Variants in TRIM60 observed in about 807,000 individuals in gnomAD.
TRIM60 encodes the protein tripartite motif containing 60, also known as tripartite motif-containing protein 60.
For synonymous variants in TRIM60, 189 were observed against 195.2 expected, an observed-to-expected ratio of 0.97 and a Z score of 0.27; for missense variants, 524 against 540.8, an observed-to-expected ratio of 0.97 and a Z score of 0.31.
intron 2 of TRIM60, chr4:165,039,712 G>T (rs1733705236): frequency 6.3e-6 from 1 of 158,584 alleles, no homozygotes; most frequent in Non-Finnish European, 1.4e-5. Flanking sequence ...GCAGGAGAAT[G>T]GCGTGAACCC....
intron 1 of TRIM60, among the ~76,000 whole-genome samples, chr4:165,037,166 A>G (rs1733639720): frequency 6.6e-6 from 1 of 151,984 alleles, no homozygotes; most frequent in African/African-American, 2.4e-5. Context: ...GCACCATTGC[A>G]CTCCAGCCTG....
chr4:165,040,850 C>T lies in TRIM60; in HGVS notation c.778C>T (p.Gln260Ter), dbSNP rs1201377023. ...TQAKSMHHKY[Q>*]NLKCPELFSF... is the part of the protein sequence containing the mutation. ...AGCTAAGAGTATGCACCACAAGTAT[C>T]AAAACCTAAAATGCCCTGAACTCTT... Residue 260 changes from glutamine to a stop codon, truncating the protein, a stop_gained, in exon 3 of 3, where the codon CAA becomes TAA. Transcript: ENST00000512596. LOFTEE classifies it low-confidence loss of function (END_TRUNC). 1 of 1,613,708 alleles carries T rather than the reference C, an allele frequency of 6.2e-7. No individual in the cohort carries two copies.
In TRIM60 at chr4:165,032,024, G is replaced by A. The variant is rs1287860099; in HGVS notation, c.-145G>A. ...AAAACTCGAAAACCAAGGCGCCCAG[G>A]GTTGTGTGAGGGTTTCCGCTCTGCG... is the stretch of plus-strand genomic sequence containing the variant. On this transcript the variant is annotated 5_prime_UTR_variant, in exon 1 of 3. Coordinates refer to ENST00000512596, the MANE Select transcript of TRIM60 (RefSeq NM_152620.3). The A allele has an allele frequency of 6.6e-6, 1 of 152,306 alleles. No individual in the cohort carries two copies. Among genetic ancestry groups the A allele is most frequent in the Non-Finnish European group, 1.5e-5 (1 of 68,148 alleles). 9.4% of individuals were successfully genotyped at this position (152,306 alleles called of 1,614,324 possible).
chr4:165,040,131 T>C lies in TRIM60; in HGVS notation c.59T>C (p.Leu20Pro), dbSNP rs745912417. The change falls in exon 3 of 3, where the codon CTG becomes CCG. Residue 20 changes from leucine to proline, a missense_variant. Transcript: ENST00000512596. The stretch of plus-strand genomic sequence containing the variant: ...GAGGAGTCTAGCTGTCCCATCTGTC[T>C]GGAGTACTTGAAAGACCCAGTGACC... ...LQEESSCPIC[L>P]EYLKDPVTIN... The C allele has an allele frequency of 4.3e-6, 7 of 1,613,886 alleles. No homozygotes were observed. Among genetic ancestry groups the C allele is most frequent in the African/African-American group, 1.3e-5 (1 of 75,036 alleles).
chr4:165,034,039 G>A (rs77980281), intron 1 of TRIM60, among the ~76,000 whole-genome samples: 2,153 of 152,262 alleles, frequency 0.014, 32 homozygotes, highest in African/African-American at 0.035. Context: ...AAACTTCATT[G>A]CCTGAGTCTG....
At chr4:165,035,304 A>T (rs1733595287) in intron 1 of TRIM60, among the ~76,000 whole-genome samples, 1 of 151,934 alleles carries the variant, frequency 6.6e-6, no homozygotes. Context: ...GCCTCAATTG[A>T]TCTCTTGCCT....
intron 1 of TRIM60, among the ~76,000 whole-genome samples, chr4:165,036,414 C>T (rs11932584): frequency 0.052 from 7,972 of 152,070 alleles, 586 homozygotes; most frequent in African/African-American, 0.16. Context: ...TACATGTTTG[C>T]TTGTTTTTTT....
intron 1 of TRIM60, among the ~76,000 whole-genome samples, chr4:165,032,757 A>G (rs908995311): frequency 9.2e-5 from 14 of 152,196 alleles, no homozygotes; most frequent in Admixed American, 6.5e-4. Context: ...CTGTCAGGAA[A>G]CTGCTACGGA....
intron 1 of TRIM60, among the ~76,000 whole-genome samples, chr4:165,033,428 A>C (rs1430594046): frequency 1.3e-5 from 2 of 152,232 alleles, no homozygotes; most frequent in Non-Finnish European, 2.9e-5. Flanking sequence ...CCTTAACCAA[A>C]GGTTGACAAA....
At chr4:165,034,906 A>T (rs1347944546) in intron 1 of TRIM60, among the ~76,000 whole-genome samples, 1 of 152,220 alleles carries the variant, frequency 6.6e-6, no homozygotes, top group African/African-American at 2.4e-5. Context: ...ACGACAGTTA[A>T]TGACATAAAT....
At chr4:165,040,002 G>T in intron 2 of TRIM60, 67 bp from the exon 3 acceptor site, 2 of 1,324,514 alleles carry the variant, frequency 1.5e-6, no homozygotes, top group Non-Finnish European at 2.1e-6. Context: ...CTTCTCACTG[G>T]GTTTGCGCTC....
rs753219180 is a variant in TRIM60 at position 165,040,900 on chromosome 4, T to C, written c.828T>C (p.Gly276=). The part of the protein sequence containing the change: ...ELFSFRLTKY[G]FSLPPQYSGL... The stretch of plus-strand genomic sequence containing the variant: ...TTTCATTTAGATTAACAAAATATGG[T>C]TTCAGTCTTCCTCCTCAATATTCTG... The change falls in exon 3 of 3, where the codon GGT becomes GGC. Residue 276 remains glycine, a synonymous_variant. Transcript: ENST00000512596. 3.7e-6 allele frequency: 6 copies of C among 1,612,804 alleles called. No homozygotes were observed. The Admixed American group carries it at 8.4e-5, about 22-fold the overall frequency.
Position 165,040,592 on chromosome 4 carries a change from A to G in TRIM60, c.520A>G (p.Lys174Glu), listed in dbSNP as rs141232205. The G allele has an allele frequency of 6.1e-5, 99 of 1,614,066 alleles. No individual in the cohort carries two copies. The highest frequency in any genetic ancestry group is 7.7e-5 in the Non-Finnish European group (91 of 1,180,028). Reference sequence around the variant, plus strand: ...AGGCAGCAAATCAGTGGAGCTGAAAAAGAAGGTAGAATATAAGAGGGAAGA... The same window carrying G: ...AGGCAGCAAATCAGTGGAGCTGAAAGAGAAGGTAGAATATAAGAGGGAAGA... ...LQGSKSVELK[K>E]KVEYKREEIN... The change falls in exon 3 of 3, where the codon AAG (lysine) becomes GAG (glutamate). Residue 174 changes from lysine (K) to glutamate (E), a missense_variant. Coordinates refer to ENST00000512596, the MANE Select transcript of TRIM60 (RefSeq NM_152620.3).
Position 165,040,629 on chromosome 4 carries a change from A to G in TRIM60, c.557A>G (p.Glu186Gly). Residue 186 changes from glutamate (E) to glycine (G), a missense_variant, in exon 3 of 3, where the codon GAG (glutamate) becomes GGG (glycine). Glu to Gly is a moderately conservative substitution (Grantham distance 98). Transcript: ENST00000512596. ...VEYKREEINS[E>G]FEQIRLFLQN... ...TATAAGAGGGAAGAAATAAATTCTG[A>G]GTTTGAGCAAATAAGATTGTTTTTA... 1 of 1,614,154 alleles carries G rather than the reference A, an allele frequency of 6.2e-7. No homozygotes were observed. The highest frequency in any genetic ancestry group is 2.2e-5 in the East Asian group (1 of 44,880).
intron 1 of TRIM60, among the ~76,000 whole-genome samples, chr4:165,032,674 A>G (rs1733531244): frequency 6.6e-6 from 1 of 152,120 alleles, no homozygotes; most frequent in Admixed American, 6.5e-5. Context: ...AGCGTTAAGG[A>G]AGGACCTCCC....
At chr4:165,040,022 A>T in intron 2 of TRIM60, 47 bp from the exon 3 acceptor site, 1 of 1,509,264 alleles carries the variant, frequency 6.6e-7, no homozygotes, top group Non-Finnish European at 9.1e-7. Context: ...CTACGGAGGC[A>T]GGACTGATCA....
Position 165,041,585 on chromosome 4 carries a change from A to G in TRIM60, c.*97A>G, listed in dbSNP as rs1355672558. 4 of 878,938 alleles carry G rather than the reference A, an allele frequency of 4.6e-6. No homozygotes were observed. The highest frequency in any genetic ancestry group is 6.5e-6 in the Non-Finnish European group (4 of 616,460). The allele number at this position is 878,938 out of a possible 1,614,324, so 54.4% of individuals were successfully genotyped here. A position where few individuals can be genotyped will look rare whatever the true frequency, so the allele number is the denominator to read the frequency against. On this transcript the variant is annotated 3_prime_UTR_variant, in exon 3 of 3. Transcript: ENST00000512596. The stretch of plus-strand genomic sequence containing the variant: ...TCTTTAAGTTTTACCACTGAAAACC[A>G]GAGTCGATTTTTCTCCTAAATTTTT...
At position 165,039,219 on chromosome 4, in the gene TRIM60, CATTGG is replaced by C. The variant is rs1282953117; in HGVS notation, c.-37_-33del. The C allele has an allele frequency of 6.6e-6, 1 of 152,004 alleles. No individual in the cohort carries two copies. The allele number at this position is 152,004 out of a possible 1,614,324, so 9.4% of individuals were successfully genotyped here. ...ATTGCAGGTCATCAGTTTGCCCCAT[CATTGG>C]TTAAGGTGGTATTCTCTACATTATA... On this transcript the variant is annotated 5_prime_UTR_variant, in exon 2 of 3. Transcript: ENST00000512596.
At position 165,040,236 on chromosome 4, in the gene TRIM60, T is replaced by A; in HGVS notation, c.164T>A (p.Val55Asp). 1 of 1,614,226 alleles carries A rather than the reference T, an allele frequency of 6.2e-7. No individual in the cohort carries two copies. Among genetic ancestry groups the A allele is most frequent in the Non-Finnish European group, 8.5e-7 (1 of 1,180,044 alleles). The part of the protein sequence containing the change: ...KDLDDTFPCP[V>D]CRFCFPYKSF... ...CTAGATGATACCTTTCCCTGTCCTG[T>A]CTGCCGTTTTTGCTTTCCATACAAG... The change falls in exon 3 of 3, where the codon GTC becomes GAC. Residue 55 changes from valine to aspartate, a missense_variant. Physicochemically the swap from Val to Asp is radical, Grantham distance 152. Coordinates refer to ENST00000512596, the MANE Select transcript of TRIM60 (RefSeq NM_152620.3).
Sources: gnomAD v4.1 joint callset for allele counts (sites outside exome capture counted in the v4.1 genomes callset) on GRCh38, gnomAD v4.1.1 for gene constraint, MANE v1.5 for transcripts, NCBI Gene and HGNC (gene_info 2026-07-23, HGNC 2026-07-21) for gene names.